GRIK4: variants seen among roughly 807,000 people sequenced by gnomAD.
The protein encoded by GRIK4 is glutamate receptor ionotropic, kainate 4.
GRIK4 carries 40 observed loss-of-function variants against 104.9 expected under a neutral mutation model. The observed-to-expected ratio is 0.38, with a 90% CI of 0.30 to 0.50. The LOEUF is 0.50. Ranked by LOEUF, GRIK4 falls within the 20% of genes least tolerant of loss-of-function variation. The pLI, the probability that GRIK4 is intolerant of heterozygous loss-of-function variation, is 0.93. For synonymous variants in GRIK4, 485 were observed against 524.9 expected, an observed-to-expected ratio of 0.92 and a Z score of 1.04; for missense variants, 1,047 against 1,308.1, an observed-to-expected ratio of 0.80 and a Z score of 3.08.
At position 120,635,580 on chromosome 11, in the gene GRIK4, A is replaced by G. The variant is rs79680914; in HGVS notation, c.-158-18105A>G. ...GGAGGGGTAGTACTGTTGAACCGCT[A>G]TCAGTCATGGACAATTTAGTACCAA... is the stretch of plus-strand genomic sequence containing the variant. On this transcript the variant is annotated intron_variant, in intron 1 of 20. Transcript: ENST00000527524. Among the ~76,000 whole-genome samples, 1,264 of 152,346 alleles carry G rather than the reference A, an allele frequency of 8.3e-3. 53 individuals carry two copies. The East Asian group carries it at 0.13, about 15-fold the overall frequency.
chr11:120,582,050 GCC>G (rs1174400753), intron 1 of GRIK4, among the ~76,000 whole-genome samples: 8 of 151,866 alleles, frequency 5.3e-5, no homozygotes, highest in African/African-American at 1.7e-4. Context: ...CTCGTGATCT[GCC>G]TGCCTCAGCC....
intron 8 of GRIK4, among the ~76,000 whole-genome samples, chr11:120,848,895 G>A (rs1790315718): frequency 6.6e-6 from 1 of 152,122 alleles, no homozygotes; most frequent in South Asian, 2.1e-4. Context: ...GGGGGACAGG[G>A]GGTGTGAGAA....
chr11:120,813,891 G>C (rs1026355318), intron 4 of GRIK4, among the ~76,000 whole-genome samples: 1 of 152,200 alleles, frequency 6.6e-6, no homozygotes, highest in Non-Finnish European at 1.5e-5. Flanking sequence ...GGGGAACCTC[G>C]ATTGCATTTT....
intron 8 of GRIK4, among the ~76,000 whole-genome samples, chr11:120,854,298 G>C (rs1954049241): frequency 6.6e-6 from 1 of 152,208 alleles, no homozygotes; most frequent in African/African-American, 2.4e-5. Context: ...ATGAGGGACT[G>C]CTTGAAACCC....
intron 11 of GRIK4, among the ~76,000 whole-genome samples, chr11:120,895,526 ACTT>A (rs1942553993): frequency 6.6e-6 from 1 of 152,180 alleles, no homozygotes; most frequent in East Asian, 1.9e-4. Context: ...ATGTATTTGG[ACTT>A]CTTAATGGAA....
chr11:120,934,204 CAAAAA>C (rs35705174), intron 13 of GRIK4, among the ~76,000 whole-genome samples: 5 of 54,242 alleles, frequency 9.2e-5, no homozygotes, highest in East Asian at 4.3e-4. Flanking sequence ...GACTCCGTCT[CAAAAA>C]AAAAAAAAAA....
intron 1 of GRIK4, among the ~76,000 whole-genome samples, chr11:120,543,934 G>A (rs931929106): frequency 1.3e-5 from 2 of 152,220 alleles, no homozygotes; most frequent in African/African-American, 4.8e-5. Context: ...ATCTAAAATA[G>A]CTCACAGAAG....
intron 3 of GRIK4, among the ~76,000 whole-genome samples, chr11:120,757,445 G>C (rs1338583132): frequency 6.6e-6 from 1 of 152,180 alleles, no homozygotes; most frequent in African/African-American, 2.4e-5. Context: ...TCACACGGTG[G>C]GGTTGGGAGG....
At chr11:120,787,401 T>A (rs978472618) in intron 3 of GRIK4, among the ~76,000 whole-genome samples, 27 of 152,060 alleles carry the variant, frequency 1.8e-4, no homozygotes, top group African/African-American at 6.5e-4. Context: ...ATTAATTTTT[T>A]AATTTCACCT....
intron 1 of GRIK4, among the ~76,000 whole-genome samples, chr11:120,651,886 A>G (rs1467594172): frequency 6.6e-6 from 1 of 152,218 alleles, no homozygotes; most frequent in Non-Finnish European, 1.5e-5. Context: ...CTTATTCTCC[A>G]ACATTATTAT....
At chr11:120,880,626 C>T (rs747311265) in intron 11 of GRIK4, among the ~76,000 whole-genome samples, 4 of 152,176 alleles carry the variant, frequency 2.6e-5, no homozygotes, top group Non-Finnish European at 5.9e-5. Flanking sequence ...AGTGTAAGAA[C>T]GTTTCTCCAT....
At chr11:120,859,515 G>A (rs1228342537) in intron 8 of GRIK4, 1 of 152,210 alleles carries the variant, frequency 6.6e-6, no homozygotes, top group Admixed American at 6.5e-5. Context: ...GGCTCTGTGT[G>A]TGGGGAGAGG....
intron 15 of GRIK4, among the ~76,000 whole-genome samples, chr11:120,955,950 T>C (rs1944137019): frequency 2.6e-5 from 4 of 152,082 alleles, no homozygotes; most frequent in Admixed American, 2.6e-4. Context: ...TTGGGAATTC[T>C]TAGGCCTCAC....
chr11:120,657,682 C>G (rs1300354661), intron 2 of GRIK4, among the ~76,000 whole-genome samples: 1 of 152,138 alleles, frequency 6.6e-6, no homozygotes, highest in Non-Finnish European at 1.5e-5. Context: ...GAGAGAGGCC[C>G]CATTCTGGCC....
chr11:120,967,110 A>G lies in GRIK4; in HGVS notation c.2267-85A>G, dbSNP rs1944396668. On this transcript the variant is annotated intron_variant, in intron 18 of 20. Coordinates refer to ENST00000527524, the MANE Select transcript of GRIK4 (RefSeq NM_014619.5). This position sits in a 1 kb window ranked among gnomAD's most constrained non-coding sequence, Gnocchi z 4.2. ...CGAGGTGAAAGCAGGCAGGGTGGCC[A>G]GGAGGTGTGCCGGGAAGGGGAGCAG... 1 of 1,467,130 alleles carries G rather than the reference A, an allele frequency of 6.8e-7. No homozygotes were observed. The highest frequency in any genetic ancestry group is 1.3e-5 in the South Asian group (1 of 75,864). The allele number at this position is 1,467,130 out of a possible 1,614,324, so 90.9% of individuals were successfully genotyped here.
chr11:120,890,038 G>A (rs552343058), intron 11 of GRIK4, among the ~76,000 whole-genome samples: 1 of 152,300 alleles, frequency 6.6e-6, no homozygotes, highest in Admixed American at 6.5e-5. Context: ...AGACCATGTA[G>A]TAAGTTGGAG....
At chr11:120,848,061 G>A (rs1449315622) in intron 8 of GRIK4, among the ~76,000 whole-genome samples, 2 of 152,232 alleles carry the variant, frequency 1.3e-5, no homozygotes. Context: ...CAACACTGGA[G>A]TGCATCCCTG....
intron 1 of GRIK4, among the ~76,000 whole-genome samples, chr11:120,634,774 A>AG (rs1167177140): frequency 6.6e-6 from 1 of 152,052 alleles, no homozygotes; most frequent in South Asian, 2.1e-4. Context: ...CGTGGGCAGG[A>AG]GGGGGCGATT....
At chr11:120,686,226 A>T (rs564145645) in intron 3 of GRIK4, among the ~76,000 whole-genome samples, 1 of 152,156 alleles carries the variant, frequency 6.6e-6, no homozygotes, top group Admixed American at 6.5e-5. Context: ...CTGCATTTTT[A>T]AAGTGTGACT....
Sources: gnomAD v4.1 joint callset for allele counts (sites outside exome capture counted in the v4.1 genomes callset) on GRCh38, gnomAD v4.1.1 for gene constraint, Gnocchi (gnomAD v3.1) non-coding constraint, MANE v1.5 for transcripts, NCBI Gene and HGNC (gene_info 2026-07-23, HGNC 2026-07-21) for gene names.